Variants in STK17A observed in about 807,000 individuals in gnomAD.
STK17A encodes serine/threonine kinase 17a.
A neutral mutation model predicts 43.7 loss-of-function variants in STK17A; 26 were observed. The observed-to-expected ratio is 0.60, with a 90% CI of 0.44 to 0.83. STK17A has a LOEUF of 0.83. Among genes scored for constraint, STK17A ranks in the 40% least tolerant of loss-of-function variants. STK17A has a pLI of 0.00. For missense variants in STK17A, 476 were observed against 511.6 expected (o/e 0.93, Z 0.67); for synonymous variants, 191 against 182.5 (o/e 1.05, Z -0.38).
chr7:43,594,491 C>T (rs1476402832), intron 1 of STK17A, among the ~76,000 whole-genome samples: 1 of 152,014 alleles, frequency 6.6e-6, no homozygotes, highest in Non-Finnish European at 1.5e-5. Context: ...AATATGTACC[C>T]AGTAGTGGAA....
At chr7:43,615,490 A>G (rs900486235) in intron 3 of STK17A, among the ~76,000 whole-genome samples, 2 of 146,012 alleles carry the variant, frequency 1.4e-5, no homozygotes, top group Non-Finnish European at 3.1e-5. Context: ...TTGTTGTACT[A>G]TAGTATTTTA....
intron 4 of STK17A, chr7:43,623,257 G>T: frequency 4.0e-6 from 1 of 247,296 alleles, no homozygotes; most frequent in Admixed American, 5.8e-5. Context: ...AGTTTTAAAA[G>T]CCATGATCTG....
intron 1 of STK17A, among the ~76,000 whole-genome samples, chr7:43,587,821 A>G (rs2082453783): frequency 6.6e-6 from 1 of 151,622 alleles, no homozygotes; most frequent in African/African-American, 2.4e-5. Flanking sequence ...AAAATTGGCC[A>G]TATTTGTGGT....
intron 2 of STK17A, among the ~76,000 whole-genome samples, chr7:43,606,307 C>G (rs1157035563): frequency 6.6e-6 from 1 of 152,054 alleles, no homozygotes; most frequent in Non-Finnish European, 1.5e-5. Context: ...GGAAATGCTA[C>G]TTTAGATAGA....
In STK17A at chr7:43,624,855, T is replaced by A; in HGVS notation, c.*13T>A. 2 of 1,567,514 alleles carry A rather than the reference T, an allele frequency of 1.3e-6. No individual in the cohort carries two copies. The highest frequency in any genetic ancestry group is 1.7e-6 in the Non-Finnish European group (2 of 1,158,772). On this transcript the variant is annotated 3_prime_UTR_variant, in exon 7 of 7. Coordinates refer to ENST00000319357, the MANE Select transcript of STK17A (RefSeq NM_004760.3). Reference sequence around the variant, plus strand: ...ATTTATCTACTGAGCAATATTTCCCTTTAGAACTTCAAGATTTCTACATTG... The same window carrying A: ...ATTTATCTACTGAGCAATATTTCCCATTAGAACTTCAAGATTTCTACATTG...
intron 1 of STK17A, among the ~76,000 whole-genome samples, chr7:43,590,321 C>T (rs928517804): frequency 1.3e-5 from 2 of 151,414 alleles, no homozygotes; most frequent in African/African-American, 4.8e-5. Context: ...GCCCAAACTC[C>T]TTAGCAAACA....
intron 1 of STK17A, among the ~76,000 whole-genome samples, chr7:43,590,212 C>G (rs527714271): frequency 1.3e-5 from 2 of 151,440 alleles, no homozygotes; most frequent in East Asian, 3.9e-4. Flanking sequence ...TCCGAAAGTG[C>G]TGGTATTACA....
At chr7:43,600,729 C>T (rs1563145983) in intron 2 of STK17A, among the ~76,000 whole-genome samples, 2 of 152,126 alleles carry the variant, frequency 1.3e-5, no homozygotes, top group African/African-American at 4.8e-5. Context: ...TTTAACCCAG[C>T]ACTTTTACTT....
intron 1 of STK17A, among the ~76,000 whole-genome samples, chr7:43,587,172 T>TG (rs2082449174): frequency 6.8e-6 from 1 of 146,162 alleles, no homozygotes; most frequent in East Asian, 1.9e-4. Flanking sequence ...TTTTTTTTTT[T>TG]GAGATGGAGT....
chr7:43,624,475 G>T, intron 6 of STK17A, 43 bp from the exon 7 acceptor site: 1 of 1,535,300 alleles, frequency 6.5e-7, no homozygotes, highest in South Asian at 1.2e-5. Flanking sequence ...AATTTTAATT[G>T]AAGTTCTAAC....
chr7:43,606,970 C>T (rs1267762277), intron 2 of STK17A, among the ~76,000 whole-genome samples: 1 of 123,196 alleles, frequency 8.1e-6, no homozygotes, highest in Non-Finnish European at 1.6e-5. Context: ...GTTGCCCAGG[C>T]TGGAGTGCAA....
At chr7:43,605,922 A>G (rs2082585771) in intron 2 of STK17A, among the ~76,000 whole-genome samples, 1 of 151,376 alleles carries the variant, frequency 6.6e-6, no homozygotes, top group African/African-American at 2.4e-5. Context: ...GCCCTCACAC[A>G]TGTGCTCCCT....
chr7:43,590,209 G>A (rs988551974), intron 1 of STK17A, among the ~76,000 whole-genome samples: 2 of 151,286 alleles, frequency 1.3e-5, no homozygotes, highest in Admixed American at 1.3e-4. Context: ...GCCTCCGAAA[G>A]TGCTGGTATT....
At chr7:43,595,355 G>A (rs1445275640) in intron 1 of STK17A, among the ~76,000 whole-genome samples, 1 of 144,364 alleles carries the variant, frequency 6.9e-6, no homozygotes, top group Admixed American at 7.4e-5. Context: ...TCAGCTCGCT[G>A]CAACCTCCAC....
chr7:43,593,563 A>G (rs1394364024), intron 1 of STK17A, among the ~76,000 whole-genome samples: 4 of 151,924 alleles, frequency 2.6e-5, no homozygotes, highest in Non-Finnish European at 4.4e-5. Flanking sequence ...TTAACTTTTT[A>G]CTAATAGCCA....
chr7:43,624,590 C>A lies in STK17A; in HGVS notation c.993C>A (p.Phe331Leu). Residue 331 changes from phenylalanine to leucine, a missense_variant, in exon 7 of 7, where the codon TTC becomes TTA. Coordinates refer to ENST00000319357, the MANE Select transcript of STK17A (RefSeq NM_004760.3). ...LTQSSIQEPSFRMEKALEEAN... is the reference protein window; with the variant it reads ...LTQSSIQEPSLRMEKALEEAN... The stretch of plus-strand genomic sequence containing the variant: ...AGAGCAGTATTCAAGAGCCTTCTTT[C>A]AGGATGGAAAAGGCACTAGAAGAAG... The A allele has an allele frequency of 6.2e-7, 1 of 1,614,070 alleles. No homozygotes were observed. The highest frequency in any genetic ancestry group is 8.5e-7 in the Non-Finnish European group (1 of 1,180,000).
chr7:43,604,270 G>T (rs1036835016), intron 2 of STK17A, among the ~76,000 whole-genome samples: 11 of 152,148 alleles, frequency 7.2e-5, no homozygotes, highest in African/African-American at 2.4e-4. Context: ...TTTAGTCCAG[G>T]AGTGTGAGAT....
At position 43,608,295 on chromosome 7, in the gene STK17A, CAG is replaced by C; in HGVS notation, c.463_464del (p.Glu155ArgfsTer4). 1 of 1,613,958 alleles carries C rather than the reference CAG, an allele frequency of 6.2e-7. No individual in the cohort carries two copies. Among genetic ancestry groups the C allele is most frequent in the Non-Finnish European group, 8.5e-7 (1 of 1,179,966 alleles). ...AAATCTTTGACCAGTGTGTTGCAGA[CAG>C]AGAAGAAGCCTTTAAAGAAAAAGAT... ...GEIFDQCVADREEAFKEKDVQ... is the reference protein window; with the variant it reads ...GEIFDQCVADXEEAFKEKDVQ... On this transcript the variant is annotated frameshift_variant, in exon 3 of 7. Transcript: ENST00000319357. LOFTEE classifies it high-confidence loss of function.
Position 43,583,455 on chromosome 7 carries a change from G to A in STK17A, c.206+6G>A. The A allele has an allele frequency of 3.7e-5, 49 of 1,319,486 alleles. No individual in the cohort carries two copies. The highest frequency in any genetic ancestry group is 4.7e-5 in the Non-Finnish European group (49 of 1,037,008). The allele number at this position is 1,319,486 out of a possible 1,614,324, so 81.7% of individuals were successfully genotyped here. On this transcript the variant is annotated splice_donor_region_variant and intron_variant, in intron 1 of 6. Coordinates refer to ENST00000319357, the MANE Select transcript of STK17A (RefSeq NM_004760.3). ...CCGGGCCGGGAGCTGGGCAGGTGAG[G>A]ACGGGCGGGGCCCGGCGCGGAACCT...
Sources: allele counts gnomAD v4.1 joint callset (sites outside exome capture counted in the v4.1 genomes callset), GRCh38; gene constraint gnomAD v4.1.1; transcripts MANE v1.5; gene names NCBI Gene and HGNC (gene_info 2026-07-23, HGNC 2026-07-21).